The following DUSP19 variants were observed in gnomAD, a reference collection of about 807,000 sequenced individuals.
DUSP19 encodes dual specificity protein phosphatase 19.
A neutral mutation model predicts 16.6 loss-of-function variants in DUSP19; 14 were observed. The ratio of observed to expected loss-of-function variants is 0.84; its 90% CI spans 0.56 to 1.32. The LOEUF is 1.32. Ranked by LOEUF, DUSP19 falls within the 40% of genes most tolerant of loss-of-function variation. The probability of loss-of-function intolerance (pLI) is 0.00; values close to 1 mark genes in which losing one functional copy is unlikely to be tolerated. For synonymous variants in DUSP19, 81 were observed against 90.5 expected (o/e 0.90, Z 0.59); for missense variants, 258 against 255.9 (o/e 1.01, Z -0.06).
chr2:183,082,150 C>T (rs1352430338), intron 1 of DUSP19, among the ~76,000 whole-genome samples: 1 of 152,092 alleles, frequency 6.6e-6, no homozygotes, highest in Non-Finnish European at 1.5e-5. Flanking sequence ...ACTGGGTGTT[C>T]CCAAACCAGC....
chr2:183,086,851 G>C (rs950311307), intron 2 of DUSP19, among the ~76,000 whole-genome samples, 189 bp from the exon 3 acceptor site: 3 of 151,738 alleles, frequency 2.0e-5, no homozygotes, highest in Non-Finnish European at 4.4e-5. Context: ...AGTTAAAAGA[G>C]AGAGAGAGAG....
rs1559131298 is a variant in DUSP19 at position 183,095,467 on chromosome 2, T to C, written c.463T>C (p.Ser155Pro). The C allele has an allele frequency of 6.2e-7, 1 of 1,613,798 alleles. No homozygotes were observed. The highest frequency in any genetic ancestry group is 1.7e-5 in the Admixed American group (1 of 60,010). Residue 155 changes from serine (S) to proline (P), a missense_variant, in exon 4 of 4, where the codon TCC becomes CCC. Ser to Pro is a moderately conservative substitution (Grantham distance 74). Transcript: ENST00000354221. ...VVLVHCNAGV[S>P]RAAAIVIGFL... ...TCTTGTTCATTGTAATGCAGGCGTT[T>C]CCAGGGCTGCTGCAATTGTAATAGG...
intron 2 of DUSP19, among the ~76,000 whole-genome samples, chr2:183,086,740 C>A (rs1429282959): frequency 6.6e-6 from 1 of 151,566 alleles, no homozygotes; most frequent in African/African-American, 2.4e-5. Flanking sequence ...GGAGGATCAC[C>A]TGAGCCTAGG....
intron 3 of DUSP19, among the ~76,000 whole-genome samples, chr2:183,091,337 G>A (rs2105504307): frequency 6.6e-6 from 1 of 152,184 alleles, no homozygotes; most frequent in African/African-American, 2.4e-5. Context: ...GCCCATCAAA[G>A]CAAAGAAAGA....
chr2:183,095,003 T>G (rs1027021348), intron 3 of DUSP19, among the ~76,000 whole-genome samples: 1 of 152,216 alleles, frequency 6.6e-6, no homozygotes, highest in African/African-American at 2.4e-5. Flanking sequence ...TGTACTTTAC[T>G]GATACATTTG....
In DUSP19 at chr2:183,099,635, A is replaced by G. The variant is rs1367756355; in HGVS notation, c.*3977A>G. 1 of 152,180 alleles carries G rather than the reference A, an allele frequency of 6.6e-6. No individual in the cohort carries two copies. The highest frequency in any genetic ancestry group is 1.9e-4 in the East Asian group (1 of 5,204). 9.4% of individuals were successfully genotyped at this position (152,180 alleles called of 1,614,324 possible). A position where few individuals can be genotyped will look rare whatever the true frequency, so the allele number is the denominator to read the frequency against. On this transcript the variant is annotated 3_prime_UTR_variant, in exon 4 of 4. Transcript: ENST00000354221. ...AAAATGATATGTTTAATATTTTCCC[A>G]TTAATATATTTCTTTGAAGCTATTT... is the stretch of plus-strand genomic sequence containing the variant.
intron 3 of DUSP19, among the ~76,000 whole-genome samples, chr2:183,090,596 C>T (rs961282221): frequency 1.6e-4 from 25 of 152,194 alleles, no homozygotes; most frequent in Admixed American, 9.8e-4. Context: ...TAAGACACTT[C>T]CACACTTAGA....
chr2:183,086,402 C>T (rs1575094441), intron 2 of DUSP19, among the ~76,000 whole-genome samples: 1 of 152,126 alleles, frequency 6.6e-6, no homozygotes, highest in East Asian at 1.9e-4. Flanking sequence ...TGCTCATTCG[C>T]TTATAACACT....
rs977075484 is a variant in DUSP19, at chr2:183,095,831, T to C, written c.*173T>C. On this transcript the variant is annotated 3_prime_UTR_variant, in exon 4 of 4. Transcript: ENST00000354221. ...ACCTACTGTATAAGTAAATTTCAAA[T>C]GTCATTACTTTCTCTTTGTTATTAT... is the stretch of plus-strand genomic sequence containing the variant. 1 of 439,862 alleles carries C rather than the reference T, an allele frequency of 2.3e-6. No individual in the cohort carries two copies. Among genetic ancestry groups the C allele is most frequent in the Non-Finnish European group, 4.0e-6 (1 of 248,348 alleles). The allele number at this position is 439,862 out of a possible 1,614,324, so 27.2% of individuals were successfully genotyped here.
chr2:183,086,815 C>T (rs1216675821), intron 2 of DUSP19, among the ~76,000 whole-genome samples: 3 of 151,038 alleles, frequency 2.0e-5, no homozygotes, highest in African/African-American at 7.3e-5. Context: ...AGAAAGAGAC[C>T]CTGTCTCTGC....
Position 183,083,538 on chromosome 2 carries a change from C to A in DUSP19, c.257C>A (p.Thr86Lys), listed in dbSNP as rs749059808. 2 of 1,611,048 alleles carry A rather than the reference C, an allele frequency of 1.2e-6. No homozygotes were observed. The highest frequency in any genetic ancestry group is 3.3e-5 in the Admixed American group (2 of 59,772). The change falls in exon 2 of 4, where the codon ACA becomes AAA. Residue 86 changes from threonine to lysine, a missense_variant. Coordinates refer to ENST00000354221, the MANE Select transcript of DUSP19 (RefSeq NM_080876.4). ...GSQDAAHDLD[T>K]LKKNKVTHIL... ...CAAGATGCTGCTCATGATTTGGATACACTGAAAAAGAATAAGGTAAAAAAA... is the reference window on the plus strand; with the variant it reads ...CAAGATGCTGCTCATGATTTGGATAAACTGAAAAAGAATAAGGTAAAAAAA...
At chr2:183,083,422 TTA>T in intron 1 of DUSP19, 84 bp from the exon 2 acceptor site, 1 of 1,308,474 alleles carries the variant, frequency 7.6e-7, no homozygotes, top group Admixed American at 2.5e-5. Context: ...TCTTTTTTTT[TTA>T]ATAACAGAAT....
chr2:183,091,400 C>T (rs1699730573), intron 3 of DUSP19, among the ~76,000 whole-genome samples: 1 of 152,122 alleles, frequency 6.6e-6, no homozygotes, highest in African/African-American at 2.4e-5. Context: ...AAAGCACACT[C>T]CACAGTGTCG....
At chr2:183,080,381 G>C (rs1699577048) in intron 1 of DUSP19, among the ~76,000 whole-genome samples, 1 of 152,146 alleles carries the variant, frequency 6.6e-6, no homozygotes, top group Admixed American at 6.5e-5. Context: ...TGTTACATAG[G>C]CTGTCTTTAA....
At chr2:183,080,092 TAAC>T (rs1699573713) in intron 1 of DUSP19, among the ~76,000 whole-genome samples, 1 of 152,188 alleles carries the variant, frequency 6.6e-6, no homozygotes, top group African/African-American at 2.4e-5. Context: ...ACCTGGTAAA[TAAC>T]AGACGTATGC....
At chr2:183,091,794 G>T (rs904542882) in intron 3 of DUSP19, among the ~76,000 whole-genome samples, 1 of 152,228 alleles carries the variant, frequency 6.6e-6, no homozygotes, top group Non-Finnish European at 1.5e-5. Context: ...TGTTACTTAG[G>T]TGTGGAAAGT....
intron 2 of DUSP19, among the ~76,000 whole-genome samples, chr2:183,085,685 C>A (rs540596057): frequency 6.6e-6 from 1 of 151,330 alleles, no homozygotes; most frequent in African/African-American, 2.4e-5. Flanking sequence ...ATTGAAGATA[C>A]AGAAAAGCAA....
Position 183,078,942 on chromosome 2 carries a change from C to A in DUSP19, c.9C>A (p.Ser3=). The A allele has an allele frequency of 6.2e-7, 1 of 1,614,012 alleles. No homozygotes were observed. The highest frequency in any genetic ancestry group is 8.5e-7 in the Non-Finnish European group (1 of 1,179,976). Residue 3 remains serine, a synonymous_variant, in exon 1 of 4, where the codon TCC becomes TCA. Coordinates refer to ENST00000354221, the MANE Select transcript of DUSP19 (RefSeq NM_080876.4). ...CAGCCACTGCTCATGTAATGTACTC[C>A]CTTAACCAGGAAATTAAAGCATTCT... MY[S]LNQEIKAFSR...
chr2:183,095,326 CTG>C (rs1699783571), intron 3 of DUSP19, 103 bp from the exon 4 acceptor site: 1 of 900,034 alleles, frequency 1.1e-6, no homozygotes, highest in Non-Finnish European at 1.6e-6. Context: ...ATCAATAAAA[CTG>C]AATATTTACT....
Sources: allele counts gnomAD v4.1 joint callset (sites outside exome capture counted in the v4.1 genomes callset), GRCh38; gene constraint gnomAD v4.1.1; transcripts MANE v1.5; gene names NCBI Gene and HGNC (gene_info 2026-07-23, HGNC 2026-07-21).